PACRG: variants seen among roughly 807,000 people sequenced by gnomAD.
PACRG encodes parkin coregulated.
In PACRG, 29 loss-of-function variants were observed where a neutral mutation model predicts 29.7. The ratio of observed to expected loss-of-function variants is 0.98; its 90% CI spans 0.73 to 1.33. PACRG has a LOEUF of 1.33. Among genes scored for constraint, PACRG ranks in the 40% most tolerant of loss-of-function variants. PACRG has a pLI of 0.00. For missense variants in PACRG, 279 were observed against 316.2 expected (o/e 0.88, Z 0.89); for synonymous variants, 116 against 118.7 (o/e 0.98, Z 0.15).
chr6:163,148,932 T>C (rs1329069317), intron 4 of PACRG, among the ~76,000 whole-genome samples: 2 of 109,808 alleles, frequency 1.8e-5, no homozygotes, highest in African/African-American at 7.1e-5. Flanking sequence ...CTCGTGGAAG[T>C]GAATGAGGGT....
intron 2 of PACRG, among the ~76,000 whole-genome samples, chr6:162,882,751 A>G (rs1043198513): frequency 1.3e-5 from 2 of 151,944 alleles, no homozygotes; most frequent in African/African-American, 4.8e-5. Flanking sequence ...TCCCACCAAC[A>G]TGTCTTTGGA....
chr6:162,896,387 G>A (rs1224752505), intron 2 of PACRG, among the ~76,000 whole-genome samples: 1 of 152,326 alleles, frequency 6.6e-6, no homozygotes, highest in African/African-American at 2.4e-5. Flanking sequence ...TGCGGACTGT[G>A]CTGACTTACC....
chr6:162,852,009 A>G (rs138710672), intron 2 of PACRG, among the ~76,000 whole-genome samples: 23 of 104,328 alleles, frequency 2.2e-4, no homozygotes, highest in East Asian at 6.2e-4. Flanking sequence ...GGGAGGGAGG[A>G]AGGAAGGAAG....
intron 4 of PACRG, among the ~76,000 whole-genome samples, chr6:163,148,607 C>G (rs1777902293): frequency 6.6e-6 from 1 of 152,152 alleles, no homozygotes; most frequent in Admixed American, 6.5e-5. Flanking sequence ...ACCCAGTATT[C>G]CACTGCAGGA....
At chr6:162,985,093 CAGAT>C (rs1802771343) in intron 2 of PACRG, among the ~76,000 whole-genome samples, 1 of 151,984 alleles carries the variant, frequency 6.6e-6, no homozygotes, top group Non-Finnish European at 1.5e-5. Context: ...AGTTCACAAA[CAGAT>C]GGATTTACAG....
intron 4 of PACRG, chr6:163,189,526 G>A (rs536076479): frequency 3.3e-5 from 5 of 152,292 alleles, no homozygotes; most frequent in South Asian, 2.1e-4. Flanking sequence ...AAGGCTGAAT[G>A]GCATTGCCAA....
At chr6:163,262,450 C>T (rs1001331121) in intron 4 of PACRG, among the ~76,000 whole-genome samples, 1 of 151,932 alleles carries the variant, frequency 6.6e-6, no homozygotes, top group African/African-American at 2.4e-5. Context: ...TTCAGGTTGG[C>T]TTTATAATGA....
chr6:163,196,020 T>G (rs925325890), intron 4 of PACRG, among the ~76,000 whole-genome samples: 2 of 152,122 alleles, frequency 1.3e-5, no homozygotes, highest in African/African-American at 4.8e-5. Context: ...ACGAGCTGGT[T>G]CCCTCCCAGA....
chr6:163,151,103 A>C (rs1272276040), intron 4 of PACRG, among the ~76,000 whole-genome samples: 1 of 152,208 alleles, frequency 6.6e-6, no homozygotes, highest in Non-Finnish European at 1.5e-5. Context: ...AAAAATACCC[A>C]CTTTGCTTTA....
chr6:163,043,474 C>T (rs1808965240), intron 2 of PACRG, among the ~76,000 whole-genome samples: 1 of 152,086 alleles, frequency 6.6e-6, no homozygotes, highest in Admixed American at 6.6e-5. Context: ...ACTGCTTGAA[C>T]CCAGGAGGCG....
intron 4 of PACRG, among the ~76,000 whole-genome samples, chr6:163,106,990 G>A (rs1202842406): frequency 6.6e-6 from 1 of 152,170 alleles, no homozygotes; most frequent in Non-Finnish European, 1.5e-5. Flanking sequence ...GGGAAGATGA[G>A]TTGCAAATAA....
At chr6:163,004,081 AT>A (rs1286949240) in intron 2 of PACRG, among the ~76,000 whole-genome samples, 17 of 152,164 alleles carry the variant, frequency 1.1e-4, no homozygotes, top group African/African-American at 4.1e-4. Flanking sequence ...TACAAAAAAA[AT>A]TCTCTTCCAA....
chr6:163,076,286 CAT>C (rs1466978630), intron 3 of PACRG, among the ~76,000 whole-genome samples: 1 of 152,162 alleles, frequency 6.6e-6, no homozygotes, highest in Admixed American at 6.5e-5. Context: ...GGAATCTCCC[CAT>C]GTGTGTAATT....
intron 1 of PACRG, among the ~76,000 whole-genome samples, chr6:162,741,296 G>T (rs1780573611): frequency 1.3e-5 from 2 of 152,092 alleles, no homozygotes; most frequent in African/African-American, 4.8e-5. Context: ...TTATTGCTAG[G>T]GTAGTGTCTT....
intron 2 of PACRG, among the ~76,000 whole-genome samples, chr6:162,986,093 G>A (rs1802861659): frequency 6.6e-6 from 1 of 152,114 alleles, no homozygotes; most frequent in African/African-American, 2.4e-5. Context: ...CACATCCCAT[G>A]CTCATGGATG....
chr6:162,935,930 C>G (rs1213285671), intron 2 of PACRG, among the ~76,000 whole-genome samples: 1 of 152,140 alleles, frequency 6.6e-6, no homozygotes, highest in African/African-American at 2.4e-5. Context: ...TCTTCAAAAT[C>G]AAGCCATCAC....
intron 4 of PACRG, among the ~76,000 whole-genome samples, chr6:163,104,096 G>T (rs1481893060): frequency 6.6e-6 from 1 of 152,236 alleles, no homozygotes; most frequent in African/African-American, 2.4e-5. Context: ...TATGCTGGTA[G>T]ATCAAAGTAG....
At chr6:162,828,037 A>G (rs1788433760) in intron 2 of PACRG, among the ~76,000 whole-genome samples, 1 of 152,142 alleles carries the variant, frequency 6.6e-6, no homozygotes, top group African/African-American at 2.4e-5. Context: ...CCCTGATACA[A>G]CATGAGTAAA....
chr6:163,194,930 T>C (rs9456839), intron 4 of PACRG, among the ~76,000 whole-genome samples: 11,327 of 151,758 alleles, frequency 0.075, 504 homozygotes, highest in South Asian at 0.13. Flanking sequence ...TCAGTGCACT[T>C]TGCAGGCATC....
Sources: gnomAD v4.1 joint callset for allele counts (sites outside exome capture counted in the v4.1 genomes callset) on GRCh38, gnomAD v4.1.1 for gene constraint, MANE v1.5 for transcripts, NCBI Gene and HGNC (gene_info 2026-07-23, HGNC 2026-07-21) for gene names.